TMEM255A: variants seen among roughly 807,000 people sequenced by gnomAD.
The protein encoded by TMEM255A is transmembrane protein 255A, also known as family with sequence similarity 70, member A.
A neutral mutation model predicts 23.5 loss-of-function variants in TMEM255A; 14 were observed. That is an observed-to-expected ratio of 0.60 (90% CI 0.39 to 0.93). TMEM255A has a LOEUF of 0.93. Among genes scored for constraint, TMEM255A ranks in the 40% least tolerant of loss-of-function variants. The pLI is 0.00. For missense variants in TMEM255A, 233 were observed against 261.7 expected, an observed-to-expected ratio of 0.89 and a Z score of 0.76; for synonymous variants, 104 against 100.3, an observed-to-expected ratio of 1.04 and a Z score of -0.22.
At chrX:120,290,839 C>T (rs907899092) in intron 4 of TMEM255A, among the ~76,000 whole-genome samples, 6 of 111,532 alleles carry the variant, frequency 5.4e-5, no homozygotes, top group East Asian at 2.8e-4. Flanking sequence ...ATTTGGGTGA[C>T]GGCATTGACC....
Position 120,260,251 on chromosome X carries a change from G to A in TMEM255A, c.*619C>T, listed in dbSNP as rs1413710274. The A allele has an allele frequency of 2.7e-6, 2 of 741,899 alleles. No individual in the cohort carries two copies. The highest frequency in any genetic ancestry group is 2.3e-5 in the African/African-American group (1 of 43,015). 61.1% of individuals were successfully genotyped at this position (741,899 alleles called of 1,213,427 possible). A position where few individuals can be genotyped will look rare whatever the true frequency, so the allele number is the denominator to read the frequency against. The stretch of plus-strand genomic sequence containing the variant: ...CAAGAATATTGCACTTTTCCCTTTA[G>A]GAGGTACCAATAACAAAAGCTGAGC... On this transcript the variant is annotated 3_prime_UTR_variant, in exon 9 of 9. Coordinates refer to ENST00000371369, the MANE Select transcript of TMEM255A (RefSeq NM_001104544.3).
At chrX:120,284,013 C>T (rs903268968) in intron 6 of TMEM255A, among the ~76,000 whole-genome samples, 1 of 111,748 alleles carries the variant, frequency 8.9e-6, no homozygotes, top group Non-Finnish European at 1.9e-5. Context: ...CTTCCCACCT[C>T]TGTCTTCTTT....
chrX:120,279,890 A>G (rs560705202), intron 6 of TMEM255A, among the ~76,000 whole-genome samples: 1 of 105,524 alleles, frequency 9.5e-6, no homozygotes, highest in East Asian at 2.9e-4. Context: ...AAACCTTTGA[A>G]CCCTGTTCTT....
At chrX:120,283,520 T>A (rs886839783) in intron 6 of TMEM255A, among the ~76,000 whole-genome samples, 1 of 111,025 alleles carries the variant, frequency 9.0e-6, no homozygotes, top group Non-Finnish European at 1.9e-5. Flanking sequence ...TCTAGCTCCA[T>A]CCAGCCCCAC....
intron 4 of TMEM255A, among the ~76,000 whole-genome samples, chrX:120,290,030 T>C (rs1371427052): frequency 8.1e-5 from 9 of 111,468 alleles, no homozygotes; most frequent in Admixed American, 7.6e-4. Context: ...AATGTGGGAA[T>C]GTGGAGGTGA....
In TMEM255A at chrX:120,261,369, T is replaced by C. The variant is rs782708266; in HGVS notation, c.820-341A>G. On this transcript the variant is annotated intron_variant, in intron 8 of 8. Transcript: ENST00000371369. ...AGCCTCCAATACCTCTCCCTTAAGC[T>C]ATGGCAACAATGTCCCAACTAGTCT... Among the ~76,000 whole-genome samples, 38 of 112,481 alleles carry C rather than the reference T, an allele frequency of 3.4e-4. No homozygotes were observed. In the South Asian group the frequency reaches 0.014, roughly 40 times the overall value.
chrX:120,294,161 G>C, intron 2 of TMEM255A, 110 bp from the exon 3 acceptor site: 1 of 516,615 alleles, frequency 1.9e-6, no homozygotes, highest in Middle Eastern at 4.1e-4. Context: ...TGGGCCGGGC[G>C]CGGTGGCTCA....
intron 2 of TMEM255A, among the ~76,000 whole-genome samples, chrX:120,296,610 G>A (rs1312854310): frequency 4.1e-5 from 3 of 72,365 alleles, no homozygotes; most frequent in Admixed American, 2.2e-4. Context: ...AATAATTCAC[G>A]CAGCCAGGAA....
rs189486241 is a variant in TMEM255A at position 120,283,605 on chromosome X, C to G, written c.512+1522G>C. 7.2e-5 allele frequency among the ~76,000 whole-genome samples: 8 copies of G among 111,672 alleles called. No individual in the cohort carries two copies. In the East Asian group the frequency reaches 2.0e-3, roughly 27 times the overall value. Reference sequence around the variant, plus strand: ...CTTCACTAAGATTCTGAAGGAAATACGTGCATGACGAACATTGGTCGACAT... The same window carrying G: ...CTTCACTAAGATTCTGAAGGAAATAGGTGCATGACGAACATTGGTCGACAT... On this transcript the variant is annotated intron_variant, in intron 6 of 8. Coordinates refer to ENST00000371369, the MANE Select transcript of TMEM255A (RefSeq NM_001104544.3).
intron 2 of TMEM255A, among the ~76,000 whole-genome samples, chrX:120,297,012 TATATATATTATATATATATA>T (rs2057991024): frequency 1.1e-3 from 4 of 3,644 alleles, no homozygotes; most frequent in African/African-American, 3.4e-3. Context: ...TATATAATAT[TATATATATTATATATATATA>T]ATATATAATA....
chrX:120,287,463 T>C (rs1405010894), intron 4 of TMEM255A, among the ~76,000 whole-genome samples: 4 of 111,744 alleles, frequency 3.6e-5, no homozygotes, highest in Non-Finnish European at 7.5e-5. Context: ...TGAGAAATTA[T>C]GAAACTGATT....
At chrX:120,283,056 G>A (rs1387481014) in intron 6 of TMEM255A, among the ~76,000 whole-genome samples, 1 of 110,304 alleles carries the variant, frequency 9.1e-6, no homozygotes, top group African/African-American at 3.3e-5. Flanking sequence ...AAAACAAAGG[G>A]AAAGACAGAT....
At chrX:120,286,895 C>T (rs2057878998) in intron 5 of TMEM255A, among the ~76,000 whole-genome samples, 1 of 111,267 alleles carries the variant, frequency 9.0e-6, no homozygotes, top group African/African-American at 3.3e-5. Context: ...AGGATCAAAG[C>T]CACATATGGG....
rs147086346 is a variant in TMEM255A, at chrX:120,265,245, G to T, written c.819+2999C>A. Among the ~76,000 whole-genome samples the T allele has an allele frequency of 1.3e-3, 148 of 112,261 alleles. 1 individual carries two copies. Among genetic ancestry groups the T allele is most frequent in the African/African-American group, 4.2e-3 (129 of 30,945 alleles). On this transcript the variant is annotated intron_variant, in intron 8 of 8. Transcript: ENST00000371369. ...AGGGAATGAAACTTGGTGAGCAAAA[G>T]AAAGCTAAACTAAAATACTAAAATG...
intron 2 of TMEM255A, among the ~76,000 whole-genome samples, chrX:120,302,984 T>C (rs1188086179): frequency 8.9e-6 from 1 of 111,742 alleles, no homozygotes; most frequent in Non-Finnish European, 1.9e-5. Context: ...CTCTTTGCTG[T>C]ACTAAAATAT....
intron 2 of TMEM255A, among the ~76,000 whole-genome samples, chrX:120,297,091 T>TA (rs1485509117): frequency 9.0e-5 from 2 of 22,113 alleles, no homozygotes; most frequent in Non-Finnish European, 1.2e-4. Context: ...TATTATAATA[T>TA]ATATAATATT....
chrX:120,262,172 C>T (rs2057685134), intron 8 of TMEM255A, among the ~76,000 whole-genome samples: 1 of 110,661 alleles, frequency 9.0e-6, no homozygotes, highest in African/African-American at 3.3e-5. Flanking sequence ...TGCCCGTAAT[C>T]CCGGCTACTC....
intron 2 of TMEM255A, among the ~76,000 whole-genome samples, chrX:120,301,343 A>T: frequency 8.9e-6 from 1 of 112,366 alleles, no homozygotes; most frequent in Non-Finnish European, 1.9e-5. Context: ...TGTTTTGAAA[A>T]TTTAAATTCT....
At chrX:120,285,049 C>T in intron 6 of TMEM255A, 78 bp downstream of exon 6, 1 of 879,640 alleles carries the variant, frequency 1.1e-6, no homozygotes, top group Non-Finnish European at 1.7e-6. Flanking sequence ...TCCCACAATG[C>T]ACCCTTCCTT....
Sources: allele counts gnomAD v4.1 joint callset (sites outside exome capture counted in the v4.1 genomes callset), GRCh38; gene constraint gnomAD v4.1.1; transcripts MANE v1.5; gene names NCBI Gene and HGNC (gene_info 2026-07-23, HGNC 2026-07-21).